PTPRM: variants seen among roughly 807,000 people sequenced by gnomAD.
The protein encoded by PTPRM is protein tyrosine phosphatase receptor type M, also known as receptor-type tyrosine-protein phosphatase mu.
A neutral mutation model predicts 186.7 loss-of-function variants in PTPRM; 47 were observed. The ratio of observed to expected loss-of-function variants is 0.25; its 90% CI spans 0.20 to 0.32. The LOEUF is 0.32. Among genes scored for constraint, PTPRM ranks in the 10% least tolerant of loss-of-function variants. PTPRM has a pLI of 1.00. For synonymous variants in PTPRM, 668 were observed against 674.9 expected, an observed-to-expected ratio of 0.99 and a Z score of 0.16; for missense variants, 1,494 against 1,865.0, an observed-to-expected ratio of 0.80 and a Z score of 3.66.
chr18:8,056,748 T>C (rs1271772050), intron 7 of PTPRM, among the ~76,000 whole-genome samples: 1 of 99,224 alleles, frequency 1.0e-5, no homozygotes, highest in African/African-American at 4.1e-5. Context: ...CAGCCTTTTT[T>C]AGCAAAAAAA....
At chr18:8,131,172 G>C (rs1049569056) in intron 13 of PTPRM, among the ~76,000 whole-genome samples, 10 of 152,176 alleles carry the variant, frequency 6.6e-5, no homozygotes, top group Non-Finnish European at 1.3e-4. Flanking sequence ...GAAAATGAAT[G>C]GATTTCTTGA....
In PTPRM at chr18:7,911,469, A is replaced by G. The variant is rs970853027; in HGVS notation, c.547+4886A>G. Among the ~76,000 whole-genome samples the G allele has an allele frequency of 2.0e-5, 3 of 152,206 alleles. No homozygotes were observed. The East Asian group carries it at 5.8e-4, about 29-fold the overall frequency. On this transcript the variant is annotated intron_variant, in intron 4 of 32. Transcript: ENST00000580170. ...GTGGCACCTGTTTGTAGTTTGGATT[A>G]CCTAATGACTAATGATGTTGAGCAT...
intron 7 of PTPRM, among the ~76,000 whole-genome samples, chr18:8,064,315 G>A (rs1321393071): frequency 6.6e-6 from 1 of 151,936 alleles, no homozygotes; most frequent in Admixed American, 6.6e-5. Context: ...AAGAAATAAA[G>A]TAGAATGATT....
At chr18:7,607,841 C>G (rs1054856052) in intron 1 of PTPRM, among the ~76,000 whole-genome samples, 4 of 152,244 alleles carry the variant, frequency 2.6e-5, no homozygotes, top group Non-Finnish European at 5.9e-5. Context: ...AGCCCCCACA[C>G]TGAACACGAT....
At chr18:7,705,911 C>T (rs2040077071) in intron 1 of PTPRM, among the ~76,000 whole-genome samples, 1 of 149,428 alleles carries the variant, frequency 6.7e-6, no homozygotes, top group Non-Finnish European at 1.5e-5. Context: ...CTTACAGTTT[C>T]TTTAATAACC....
At chr18:8,178,996 T>C (rs761775101) in intron 14 of PTPRM, among the ~76,000 whole-genome samples, 3 of 152,150 alleles carry the variant, frequency 2.0e-5, no homozygotes, top group Non-Finnish European at 4.4e-5. Flanking sequence ...TATTCTTTAC[T>C]TACCACAGGT....
At chr18:8,061,371 C>G (rs1479587527) in intron 7 of PTPRM, among the ~76,000 whole-genome samples, 1 of 140,532 alleles carries the variant, frequency 7.1e-6, no homozygotes, top group Non-Finnish European at 1.5e-5. Flanking sequence ...AGATGGGTTT[C>G]CTGAATACAG....
intron 1 of PTPRM, among the ~76,000 whole-genome samples, chr18:7,765,001 A>G (rs367782080): frequency 7.2e-5 from 11 of 152,348 alleles, no homozygotes; most frequent in African/African-American, 2.6e-4. Flanking sequence ...ATTCAATCCA[A>G]TAGTAGCTCT....
chr18:7,884,619 A>G lies in PTPRM; in HGVS notation c.197-3487A>G, dbSNP rs555053309. On this transcript the variant is annotated intron_variant, in intron 2 of 32. Transcript: ENST00000580170. ...CCTCTCATGAATTTCACAAAATCACATGCTGAAAATAGCAGATCTTAGGCC... is the reference window on the plus strand; with the variant it reads ...CCTCTCATGAATTTCACAAAATCACGTGCTGAAAATAGCAGATCTTAGGCC... Among the ~76,000 whole-genome samples, 24 of 152,224 alleles carry G rather than the reference A, an allele frequency of 1.6e-4. No homozygotes were observed. The South Asian group carries it at 2.1e-3, about 13-fold the overall frequency.
At chr18:8,332,935 T>G (rs1280968116) in intron 22 of PTPRM, among the ~76,000 whole-genome samples, 2 of 152,238 alleles carry the variant, frequency 1.3e-5, no homozygotes, top group African/African-American at 4.8e-5. Context: ...CAGTGAACAC[T>G]TCTAACCCTA....
intron 1 of PTPRM, among the ~76,000 whole-genome samples, chr18:7,683,494 A>G (rs141885306): frequency 1.3e-5 from 2 of 152,208 alleles, no homozygotes; most frequent in South Asian, 2.1e-4. Context: ...TCTTAACTGT[A>G]ACCATCCTTT....
intron 1 of PTPRM, among the ~76,000 whole-genome samples, chr18:7,688,599 G>A (rs1007157557): frequency 6.6e-6 from 1 of 152,170 alleles, no homozygotes; most frequent in Non-Finnish European, 1.5e-5. Flanking sequence ...GCATGTGATG[G>A]GGAGAGAAGA....
At position 7,697,638 on chromosome 18, in the gene PTPRM, T is replaced by A. The variant is rs78462637; in HGVS notation, c.74-76511T>A. 1.1e-4 allele frequency among the ~76,000 whole-genome samples: 16 copies of A among 152,326 alleles called. No individual in the cohort carries two copies. The East Asian group carries it at 3.1e-3, about 29-fold the overall frequency. On this transcript the variant is annotated intron_variant, in intron 1 of 32. Transcript: ENST00000580170. The stretch of plus-strand genomic sequence containing the variant: ...AGTCTTAAGGCAGCGAGGTGATCCT[T>A]GTCAAACTATGAGAGTTTCAATCCT...
chr18:8,168,061 T>C (rs2093348512), intron 14 of PTPRM, among the ~76,000 whole-genome samples: 2 of 152,256 alleles, frequency 1.3e-5, no homozygotes, highest in African/African-American at 4.8e-5. Flanking sequence ...TGGTCTCTGC[T>C]TCTCAACCCT....
intron 3 of PTPRM, among the ~76,000 whole-genome samples, chr18:7,889,387 A>C (rs1389285588): frequency 1.6e-5 from 2 of 126,410 alleles, no homozygotes; most frequent in Non-Finnish European, 1.6e-5. Flanking sequence ...CCCGGGCTGG[A>C]GTACAGTGTT....
At chr18:8,017,582 CAA>C (rs71354586) in intron 7 of PTPRM, among the ~76,000 whole-genome samples, 175 of 64,698 alleles carry the variant, frequency 2.7e-3, no homozygotes, top group Middle Eastern at 0.011. Context: ...GACTCCTTCT[CAA>C]AAAAAAAAAA....
At chr18:7,902,992 A>G (rs1477845622) in intron 3 of PTPRM, among the ~76,000 whole-genome samples, 1 of 152,238 alleles carries the variant, frequency 6.6e-6, no homozygotes, top group Admixed American at 6.5e-5. Flanking sequence ...CTAAAAGGTA[A>G]TGCATTCTCT....
At chr18:7,736,869 GT>G (rs1568064247) in intron 1 of PTPRM, among the ~76,000 whole-genome samples, 2 of 152,154 alleles carry the variant, frequency 1.3e-5, no homozygotes, top group Non-Finnish European at 2.9e-5. Flanking sequence ...TTTCCTTGTT[GT>G]TTTTTCTTAA....
intron 2 of PTPRM, among the ~76,000 whole-genome samples, chr18:7,869,920 A>C (rs879334420): frequency 4.6e-5 from 7 of 152,204 alleles, no homozygotes; most frequent in Non-Finnish European, 7.3e-5. Flanking sequence ...TAAGAGCCCC[A>C]GTGTCTTCCC....
Sources: allele counts gnomAD v4.1 joint callset (sites outside exome capture counted in the v4.1 genomes callset), GRCh38; gene constraint gnomAD v4.1.1; transcripts MANE v1.5; gene names NCBI Gene and HGNC (gene_info 2026-07-23, HGNC 2026-07-21).